The following HSF5 variants were observed in gnomAD, a reference collection of about 807,000 sequenced individuals.
The protein encoded by HSF5 is heat shock transcription factor 5.
HSF5 carries 5 observed loss-of-function variants against 50.8 expected under a neutral mutation model. That is an observed-to-expected ratio of 0.10 (90% CI 0.05 to 0.21). The LOEUF (loss-of-function observed/expected upper bound fraction) is 0.21, where lower values mean the gene tolerates loss of function less well. HSF5 is among the 10% of genes least tolerant of loss of function. The pLI, the probability that HSF5 is intolerant of heterozygous loss-of-function variation, is 1.00. For missense variants in HSF5, 564 were observed against 762.6 expected (o/e 0.74, Z 3.07); for synonymous variants, 307 against 307.4 (o/e 1.00, Z 0.02).
chr17:58,442,363 C>A (rs1403469317), intron 5 of HSF5, among the ~76,000 whole-genome samples: 1 of 152,188 alleles, frequency 6.6e-6, no homozygotes, highest in Non-Finnish European at 1.5e-5. Flanking sequence ...AGGGTGAGGT[C>A]CTCCAGTACA....
chr17:58,487,125 C>G (rs1482463552), intron 1 of HSF5, among the ~76,000 whole-genome samples: 1 of 152,096 alleles, frequency 6.6e-6, no homozygotes, highest in African/African-American at 2.4e-5. Context: ...TTAGGCCGGT[C>G]TCAAACTCCT....
At chr17:58,486,225 C>T (rs1050301424) in intron 1 of HSF5, among the ~76,000 whole-genome samples, 15 of 151,894 alleles carry the variant, frequency 9.9e-5, no homozygotes, top group African/African-American at 3.6e-4. Flanking sequence ...ATTAGCCGGG[C>T]ATGGTGGCAC....
At chr17:58,455,490 A>G (rs1394698684) in intron 5 of HSF5, among the ~76,000 whole-genome samples, 1 of 152,198 alleles carries the variant, frequency 6.6e-6, no homozygotes, top group Non-Finnish European at 1.5e-5. Flanking sequence ...ATTACAACAA[A>G]CAAAAAATCT....
chr17:58,472,310 C>T (rs6503864), intron 2 of HSF5, among the ~76,000 whole-genome samples: 1 of 151,192 alleles, frequency 6.6e-6, no homozygotes, highest in African/African-American at 2.4e-5. Context: ...GTACCCCCCC[C>T]AAAAAAAGTG....
intron 4 of HSF5, among the ~76,000 whole-genome samples, chr17:58,460,755 C>T (rs557744672): frequency 3.2e-4 from 49 of 151,684 alleles, no homozygotes; most frequent in African/African-American, 1.1e-3. Flanking sequence ...ATGATCTGTC[C>T]GCCTCGGCCT....
chr17:58,422,265 A>T lies in HSF5; in HGVS notation c.*95T>A. ...AAACAAAAAATACTTTTTTTTCCTTAACAGAACTGAAAAAATCCCAACAGT... is the reference window on the plus strand; with the variant it reads ...AAACAAAAAATACTTTTTTTTCCTTTACAGAACTGAAAAAATCCCAACAGT... On this transcript the variant is annotated 3_prime_UTR_variant, in exon 6 of 6. Coordinates refer to ENST00000323777, the MANE Select transcript of HSF5 (RefSeq NM_001080439.3). 1.1e-6 allele frequency: 1 copy of T among 904,172 alleles called. No homozygotes were observed. Among genetic ancestry groups the T allele is most frequent in the Non-Finnish European group, 1.7e-6 (1 of 572,770 alleles). The allele number at this position is 904,172 out of a possible 1,614,324, so 56.0% of individuals were successfully genotyped here.
Position 58,487,729 on chromosome 17 carries a change from C to T in HSF5, c.546G>A (p.Pro182=). 1.5e-6 allele frequency: 2 copies of T among 1,377,302 alleles called. No individual in the cohort carries two copies. Among genetic ancestry groups the T allele is most frequent in the Non-Finnish European group, 9.3e-7 (1 of 1,076,282 alleles). The allele number at this position is 1,377,302 out of a possible 1,614,324, so 85.3% of individuals were successfully genotyped here. A position where few individuals can be genotyped will look rare whatever the true frequency, so the allele number is the denominator to read the frequency against. The change falls in exon 1 of 6, where the codon CCG becomes CCA. Residue 182 remains proline, a synonymous_variant. Transcript: ENST00000323777. ...GCACGGGCAGTCCGGACTCACCGTG[C>T]GGCTCGGGCCGGGGCCCCGCGGGCG... ...PPPPAGPRPE[P]HGPVAVGQFH...
rs949669022 is a variant in HSF5 at position 58,466,969 on chromosome 17, C to T, written c.936G>A (p.Gln312=). The change falls in exon 3 of 6, where the codon CAG becomes CAA. Residue 312 remains glutamine, a synonymous_variant. Transcript: ENST00000323777. ...CATCCATGTGGGTAGGAGAACAGCA[C>T]TGTAGCACAGCTGGAACAAATTCAA... ...SQAYYPTAVL[Q]CCSPTHMDAL... is the part of the protein sequence containing the mutation. 8 of 1,608,116 alleles carry T rather than the reference C, an allele frequency of 5.0e-6. No individual in the cohort carries two copies. The highest frequency in any genetic ancestry group is 1.1e-5 in the South Asian group (1 of 90,992).
chr17:58,461,279 AT>A (rs539938136), intron 4 of HSF5, among the ~76,000 whole-genome samples: 70 of 151,754 alleles, frequency 4.6e-4, no homozygotes, highest in Non-Finnish European at 8.8e-4. Flanking sequence ...ATGGGCCTAT[AT>A]TTTGTCTACT....
At chr17:58,473,638 A>C (rs1378561315) in intron 2 of HSF5, among the ~76,000 whole-genome samples, 1 of 152,146 alleles carries the variant, frequency 6.6e-6, no homozygotes, top group Admixed American at 6.5e-5. Flanking sequence ...TGGAAAACTG[A>C]CACTTCAAGG....
In HSF5 at chr17:58,452,290, A is replaced by C. The variant is rs573783768; in HGVS notation, c.1720+6478T>G. On this transcript the variant is annotated intron_variant, in intron 5 of 5. Coordinates refer to ENST00000323777, the MANE Select transcript of HSF5 (RefSeq NM_001080439.3). ...AAAACAAAAAAGAAAGAAAGAAATAATAAAAAAACCTCTAAATCAGAGTTG... is the reference window on the plus strand; with the variant it reads ...AAAACAAAAAAGAAAGAAAGAAATACTAAAAAAACCTCTAAATCAGAGTTG... Among the ~76,000 whole-genome samples, 3 of 152,214 alleles carry C rather than the reference A, an allele frequency of 2.0e-5. No homozygotes were observed. In the South Asian group the frequency reaches 6.2e-4, roughly 32 times the overall value.
chr17:58,429,956 A>G lies in HSF5; in HGVS notation c.1721-7526T>C, dbSNP rs566174258. ...GACAAAAAGAAGGGGAAAGCAGGAA[A>G]TGGCTATAAATACAAAATTCATAGT... On this transcript the variant is annotated intron_variant, in intron 5 of 5. Coordinates refer to ENST00000323777, the MANE Select transcript of HSF5 (RefSeq NM_001080439.3). Among the ~76,000 whole-genome samples the G allele has an allele frequency of 2.0e-5, 3 of 152,300 alleles. No homozygotes were observed. The East Asian group carries it at 5.8e-4, about 29-fold the overall frequency.
At chr17:58,468,184 G>A (rs1974895718) in intron 2 of HSF5, among the ~76,000 whole-genome samples, 1 of 152,116 alleles carries the variant, frequency 6.6e-6, no homozygotes, top group African/African-American at 2.4e-5. Context: ...AATCCCTTCA[G>A]CCCAGGAGTT....
chr17:58,454,320 A>T (rs2143768502), intron 5 of HSF5, among the ~76,000 whole-genome samples: 1 of 152,306 alleles, frequency 6.6e-6, no homozygotes, highest in South Asian at 2.1e-4. Flanking sequence ...AACTGGTCAT[A>T]GAAAGAACAT....
chr17:58,454,165 C>T (rs1212218430), intron 5 of HSF5, among the ~76,000 whole-genome samples: 1 of 151,826 alleles, frequency 6.6e-6, no homozygotes. Context: ...CACTATTGTC[C>T]TATGACCCTG....
intron 5 of HSF5, among the ~76,000 whole-genome samples, chr17:58,433,364 C>T (rs573440907): frequency 2.7e-4 from 41 of 152,236 alleles, no homozygotes; most frequent in African/African-American, 7.2e-4. Flanking sequence ...GCTTGGGACA[C>T]CTACTGGACA....
intron 5 of HSF5, among the ~76,000 whole-genome samples, chr17:58,439,200 A>G (rs1974466931): frequency 6.6e-6 from 1 of 151,906 alleles, no homozygotes; most frequent in East Asian, 1.9e-4. Flanking sequence ...CCAACAGTTG[A>G]CAAATCTTGT....
chr17:58,447,791 A>C (rs1370416816), intron 5 of HSF5, among the ~76,000 whole-genome samples: 1 of 152,218 alleles, frequency 6.6e-6, no homozygotes, highest in East Asian at 1.9e-4. Context: ...ACAGGGCCAG[A>C]CTGCAAAGAC....
intron 5 of HSF5, among the ~76,000 whole-genome samples, chr17:58,439,980 AT>A (rs1000195954): frequency 2.4e-4 from 36 of 148,684 alleles, no homozygotes; most frequent in African/African-American, 2.4e-4. Context: ...AGAGGTAAGA[AT>A]TTTTTTTTTT....
Sources: allele counts gnomAD v4.1 joint callset (sites outside exome capture counted in the v4.1 genomes callset), GRCh38; gene constraint gnomAD v4.1.1; transcripts MANE v1.5; gene names NCBI Gene and HGNC (gene_info 2026-07-23, HGNC 2026-07-21).